The following KCNH2 variants were observed in gnomAD, a reference collection of about 807,000 sequenced individuals.
KCNH2 encodes the protein potassium voltage-gated channel subfamily H member 2.
KCNH2 carries 35 observed loss-of-function variants against 95.9 expected under a neutral mutation model. The ratio of observed to expected loss-of-function variants is 0.37; its 90% CI spans 0.28 to 0.48. The LOEUF (loss-of-function observed/expected upper bound fraction) is 0.48. Ranked by LOEUF, KCNH2 falls within the 20% of genes least tolerant of loss-of-function variation. KCNH2 has a pLI of 0.99. For missense variants in KCNH2, 1,274 were observed against 1,702.9 expected, an observed-to-expected ratio of 0.75 and a Z score of 4.43; for synonymous variants, 786 against 754.7, an observed-to-expected ratio of 1.04 and a Z score of -0.68.
At chr7:150,977,806 C>A (rs1220337755) in intron 1 of KCNH2, 32 bp downstream of exon 1, 1 of 1,058,826 alleles carries the variant, frequency 9.4e-7, no homozygotes, top group Non-Finnish European at 1.4e-6. Context: ...CCCCCAGAGC[C>A]CCCTCCCCGC....
intron 2 of KCNH2, among the ~76,000 whole-genome samples, chr7:150,963,418 G>T (rs550831907): frequency 5.4e-4 from 82 of 152,178 alleles, no homozygotes; most frequent in Non-Finnish European, 9.9e-4. Flanking sequence ...GGGGTGAAAT[G>T]GCCTAAGATA....
chr7:150,945,229 G>T lies in KCNH2; in HGVS notation c.*136C>A. 1 of 1,001,930 alleles carries T rather than the reference G, an allele frequency of 1.0e-6. No individual in the cohort carries two copies. The highest frequency in any genetic ancestry group is 1.4e-6 in the Non-Finnish European group (1 of 697,418). 62.1% of individuals were successfully genotyped at this position (1,001,930 alleles called of 1,614,324 possible). A position where few individuals can be genotyped will look rare whatever the true frequency, so the allele number is the denominator to read the frequency against. On this transcript the variant is annotated 3_prime_UTR_variant, in exon 15 of 15. Transcript: ENST00000262186. This position sits in a 1 kb window ranked among gnomAD's most constrained non-coding sequence, Gnocchi z 5.6. ...GACTGCAGGAGAAGATGGTCCCAAG[G>T]GCTGGGGGAGGAGCTGTGCTTTCGA...
chr7:150,958,551 G>C (rs1364002910), intron 3 of KCNH2, 49 bp from the exon 4 acceptor site: 1 of 1,446,660 alleles, frequency 6.9e-7, no homozygotes, highest in Non-Finnish European at 9.1e-7. Flanking sequence ...AGCAGCCCCG[G>C]AGCGGGCAAG....
At chr7:150,957,607 C>T (rs1801420601) in intron 4 of KCNH2, 105 bp from the exon 5 acceptor site, 3 of 827,294 alleles carry the variant, frequency 3.6e-6, no homozygotes, top group Non-Finnish European at 6.1e-6. Flanking sequence ...GTCAGGAGTC[C>T]ATGGGGTCAG....
At position 150,974,927 on chromosome 7, in the gene KCNH2, T is replaced by C; in HGVS notation, c.91A>G (p.Ile31Val). The C allele has an allele frequency of 6.2e-7, 1 of 1,606,584 alleles. No homozygotes were observed. The highest frequency in any genetic ancestry group is 8.5e-7 in the Non-Finnish European group (1 of 1,177,632). Residue 31 changes from isoleucine to valine, a missense_variant, in exon 2 of 15, where the codon ATC (isoleucine) becomes GTC (valine). Ile to Val is a conservative substitution (Grantham distance 29). This residue lies in a region of KCNH2 where 85 missense variants were observed against 174.7 expected (regional missense o/e 0.49). Transcript: ENST00000262186. Reference sequence around the variant, plus strand: ...CAGTTCTCCACCCGAGCGTTGGCGATGATGAACTTACGGCCTAGGGGGGCG... The same window carrying C: ...CAGTTCTCCACCCGAGCGTTGGCGACGATGAACTTACGGCCTAGGGGGGCG... The part of the protein sequence containing the change: ...KFEGQSRKFI[I>V]ANARVENCAV...
chr7:150,967,978 C>T (rs150674771), intron 2 of KCNH2, among the ~76,000 whole-genome samples: 1 of 152,354 alleles, frequency 6.6e-6, no homozygotes, highest in African/African-American at 2.4e-5. Flanking sequence ...GAGCAAAGGA[C>T]ATGAGCAGGC....
intron 5 of KCNH2, 151 bp downstream of exon 5, chr7:150,957,140 A>C: frequency 1.4e-6 from 1 of 703,300 alleles, no homozygotes; most frequent in Non-Finnish European, 2.5e-6. Flanking sequence ...CAGCTCTGGA[A>C]TAGATTGCCA....
At chr7:150,967,372 G>C (rs1801733381) in intron 2 of KCNH2, among the ~76,000 whole-genome samples, 1 of 152,098 alleles carries the variant, frequency 6.6e-6, no homozygotes, top group African/African-American at 2.4e-5. Flanking sequence ...TGAAGAGAGA[G>C]GATTTGCCTC....
At chr7:150,966,392 CACA>C (rs374667861) in intron 2 of KCNH2, among the ~76,000 whole-genome samples, 3,792 of 77,534 alleles carry the variant, frequency 0.049, 303 homozygotes, top group African/African-American at 0.12. Context: ...CCCCCCCCCC[CACA>C]CACACACACA....
At position 150,951,646 on chromosome 7, in the gene KCNH2, T is replaced by C. The variant is rs199473427; in HGVS notation, c.1747A>G (p.Ile583Val). The change falls in exon 7 of 15, where the codon ATC (isoleucine) becomes GTC (valine). Residue 583 changes from isoleucine (I) to valine (V), a missense_variant. By Grantham distance (29) the Ile-to-Val change is conservative. Transcript: ENST00000262186. Reference sequence around the variant, plus strand: ...TCGCCCAGGTTGTGCAGCCAGCCGATGCGTGAGTCCATGTGTGGCTGCTCC... The same window carrying C: ...TCGCCCAGGTTGTGCAGCCAGCCGACGCGTGAGTCCATGTGTGGCTGCTCC... ...NMEQPHMDSR[I>V]GWLHNLGDQI... is the part of the protein sequence containing the mutation. 3 of 1,614,248 alleles carry C rather than the reference T, an allele frequency of 1.9e-6. No individual in the cohort carries two copies. Among genetic ancestry groups the C allele is most frequent in the Non-Finnish European group, 2.5e-6 (3 of 1,180,046 alleles).
At chr7:150,958,778 T>G (rs1051089666) in intron 3 of KCNH2, among the ~76,000 whole-genome samples, 1 of 152,206 alleles carries the variant, frequency 6.6e-6, no homozygotes, top group Non-Finnish European at 1.5e-5. Context: ...CGTCCCCATT[T>G]TAGACATGAG....
chr7:150,959,890 C>A, intron 2 of KCNH2, 154 bp from the exon 3 acceptor site: 1 of 857,744 alleles, frequency 1.2e-6, no homozygotes, highest in Non-Finnish European at 1.9e-6. Flanking sequence ...GATCCCCCAC[C>A]CGGCCATGTG....
At chr7:150,947,580 C>T in intron 12 of KCNH2, 26 bp downstream of exon 12, 2 of 1,610,190 alleles carry the variant, frequency 1.2e-6, no homozygotes, top group Non-Finnish European at 1.7e-6. Flanking sequence ...CCCGGTCCTC[C>T]CTCGCCCGCC....
chr7:150,971,354 C>T (rs1381302538), intron 2 of KCNH2, among the ~76,000 whole-genome samples: 2 of 152,122 alleles, frequency 1.3e-5, no homozygotes, highest in Non-Finnish European at 2.9e-5. Flanking sequence ...ACAGCAGGTC[C>T]CCACCCCCTC....
chr7:150,949,441 G>C, intron 9 of KCNH2: 1 of 576,856 alleles, frequency 1.7e-6, no homozygotes, highest in Non-Finnish European at 2.1e-6. Flanking sequence ...TTTACTGAAA[G>C]AACATACAGT....
Position 150,949,017 on chromosome 7 carries a change from G to A in KCNH2, c.2431C>T (p.Leu811=). The A allele has an allele frequency of 6.2e-7, 1 of 1,614,214 alleles. No homozygotes were observed. Among genetic ancestry groups the A allele is most frequent in the South Asian group, 1.1e-5 (1 of 91,088 alleles). The change falls in exon 10 of 15, where the codon CTG becomes TTG. Residue 811 remains leucine (L), a synonymous_variant. Transcript: ENST00000262186. ...TTCGACTTGCCAGGCCTTGCATACA[G>A]GTTCAGAGGCTCCCCAAAGATGTCA... is the stretch of plus-strand genomic sequence containing the variant. ...KNDIFGEPLN[L]YARPGKSNGD... is the part of the protein sequence containing the mutation.
At chr7:150,949,323 A>G in intron 9 of KCNH2, 1 of 1,366,922 alleles carries the variant, frequency 7.3e-7, no homozygotes, top group Non-Finnish European at 9.5e-7. Context: ...CCAGGTCCCA[A>G]ACACCCTCTT....
At chr7:150,957,754 G>A (rs908788137) in intron 4 of KCNH2, among the ~76,000 whole-genome samples, 23 of 152,350 alleles carry the variant, frequency 1.5e-4, no homozygotes, top group Admixed American at 5.9e-4. Flanking sequence ...GCAGGCAGGG[G>A]GCCAGGTGGT....
intron 2 of KCNH2, among the ~76,000 whole-genome samples, chr7:150,967,866 G>A (rs938213197): frequency 4.6e-5 from 7 of 152,152 alleles, no homozygotes; most frequent in African/African-American, 1.7e-4. Flanking sequence ...TTAAAATCTG[G>A]AATACACTGA....
Sources: gnomAD v4.1 joint callset for allele counts (sites outside exome capture counted in the v4.1 genomes callset) on GRCh38, gnomAD v4.1.1 for gene constraint, gnomAD v4.1.1 regional missense constraint, Gnocchi (gnomAD v3.1) non-coding constraint, MANE v1.5 for transcripts, NCBI Gene and HGNC (gene_info 2026-07-23, HGNC 2026-07-21) for gene names.